Variants in NPSR1 observed in about 807,000 individuals in gnomAD.
NPSR1 encodes the protein neuropeptide S receptor.
A neutral mutation model predicts 46.9 loss-of-function variants in NPSR1; 48 were observed. That is an observed-to-expected ratio of 1.02 (90% CI 0.81 to 1.30). NPSR1 has a LOEUF of 1.30. NPSR1 is among the 50% of genes most tolerant of loss of function. The pLI is 0.00. For synonymous variants in NPSR1, 176 were observed against 168.1 expected (o/e 1.05, Z -0.36); for missense variants, 450 against 449.5 (o/e 1.00, Z -0.01).
At chr7:34,753,083 C>A (rs974489815) in intron 2 of NPSR1, among the ~76,000 whole-genome samples, 5 of 152,134 alleles carry the variant, frequency 3.3e-5, no homozygotes, top group African/African-American at 1.2e-4. Context: ...AGTCAGCAAT[C>A]AATAGTAATT....
At chr7:34,859,652 A>G (rs1202027163) in intron 8 of NPSR1, among the ~76,000 whole-genome samples, 1 of 151,776 alleles carries the variant, frequency 6.6e-6, no homozygotes, top group Non-Finnish European at 1.5e-5. Flanking sequence ...TAACTATCTG[A>G]CAGACTTTAA....
intron 1 of NPSR1, among the ~76,000 whole-genome samples, chr7:34,680,349 C>A (rs1222305512): frequency 1.3e-5 from 2 of 151,938 alleles, no homozygotes; most frequent in Non-Finnish European, 2.9e-5. Context: ...ACCAACATTA[C>A]CCAGTTAGAG....
In NPSR1 at chr7:34,848,645, C is replaced by G; in HGVS notation, c.1007C>G (p.Ser336Cys). The change falls in exon 8 of 9, where the codon TCC (serine) becomes TGC (cysteine). Residue 336 changes from serine to cysteine, a missense_variant. Transcript: ENST00000360581. Reference sequence around the variant, plus strand: ...CTCATCTACTGTGTCTTCAGCAGCTCCATCTCTTTCCCCTGCAGGTAAGGG... The same window carrying G: ...CTCATCTACTGTGTCTTCAGCAGCTGCATCTCTTTCCCCTGCAGGTAAGGG... ...NPLIYCVFSS[S>C]ISFPCREQRS... 1.2e-6 allele frequency: 2 copies of G among 1,614,034 alleles called. No homozygotes were observed. The highest frequency in any genetic ancestry group is 1.7e-6 in the Non-Finnish European group (2 of 1,180,008).
chr7:34,821,944 G>A (rs1789577647), intron 4 of NPSR1, among the ~76,000 whole-genome samples: 1 of 152,146 alleles, frequency 6.6e-6, no homozygotes. Context: ...GAAAGTCACT[G>A]AAGAAATCTA....
At chr7:34,862,127 T>C (rs1791203329) in intron 8 of NPSR1, among the ~76,000 whole-genome samples, 2 of 151,902 alleles carry the variant, frequency 1.3e-5, no homozygotes, top group South Asian at 4.1e-4. Context: ...GGTGAGTACT[T>C]TGCAAACCAA....
intron 4 of NPSR1, among the ~76,000 whole-genome samples, chr7:34,819,310 A>G (rs1224579452): frequency 2.0e-5 from 3 of 152,272 alleles, no homozygotes; most frequent in African/African-American, 4.8e-5. Flanking sequence ...CAGACACATG[A>G]AAAAATGCTC....
chr7:34,840,124 C>T (rs770088742), intron 6 of NPSR1, among the ~76,000 whole-genome samples: 7 of 152,086 alleles, frequency 4.6e-5, no homozygotes, highest in Non-Finnish European at 1.0e-4. Flanking sequence ...TTACAGTTGG[C>T]TCTGGGCTAA....
chr7:34,694,856 C>T (rs10226149), intron 2 of NPSR1, among the ~76,000 whole-genome samples: 18,651 of 152,096 alleles, frequency 0.12, 1,548 homozygotes, highest in East Asian at 0.33. Flanking sequence ...ACTACAGGTG[C>T]GCATCACCAT....
chr7:34,765,392 C>T (rs370115708), intron 2 of NPSR1, among the ~76,000 whole-genome samples: 8 of 152,090 alleles, frequency 5.3e-5, no homozygotes, highest in Non-Finnish European at 8.8e-5. Flanking sequence ...AAGAAAAATA[C>T]ATTAAAAATA....
intron 3 of NPSR1, among the ~76,000 whole-genome samples, chr7:34,791,029 G>A (rs1787799990): frequency 8.7e-6 from 1 of 114,550 alleles, no homozygotes; most frequent in South Asian, 2.4e-4. Context: ...TATGTTATAT[G>A]TTATATATTA....
intron 2 of NPSR1, among the ~76,000 whole-genome samples, chr7:34,730,551 T>G (rs1197320190): frequency 1.3e-5 from 2 of 152,244 alleles, no homozygotes; most frequent in African/African-American, 4.8e-5. Context: ...TATCTGGTTA[T>G]GTTTAAAACA....
intron 2 of NPSR1, among the ~76,000 whole-genome samples, chr7:34,708,546 T>C (rs547164680): frequency 2.0e-5 from 3 of 152,120 alleles, no homozygotes; most frequent in African/African-American, 4.8e-5. Context: ...GCAAATGCTA[T>C]GAGGGAAAAC....
chr7:34,737,157 G>A (rs1223942272), intron 2 of NPSR1, among the ~76,000 whole-genome samples: 1 of 152,004 alleles, frequency 6.6e-6, no homozygotes, highest in African/African-American at 2.4e-5. Context: ...CATATCCCCT[G>A]CCTCTCACCT....
chr7:34,732,022 A>C (rs1784442317), intron 2 of NPSR1, among the ~76,000 whole-genome samples: 2 of 151,398 alleles, frequency 1.3e-5, no homozygotes, highest in African/African-American at 4.9e-5. Flanking sequence ...CTCTACCAAA[A>C]AAAATTAGCC....
chr7:34,828,927 T>C (rs1436202574), intron 5 of NPSR1, among the ~76,000 whole-genome samples: 1 of 152,228 alleles, frequency 6.6e-6, no homozygotes, highest in African/African-American at 2.4e-5. Context: ...TCTGCTCCCC[T>C]GACCCAATGG....
chr7:34,667,346 AG>A (rs1328095549), intron 1 of NPSR1, among the ~76,000 whole-genome samples: 3 of 152,182 alleles, frequency 2.0e-5, no homozygotes, highest in African/African-American at 7.2e-5. Context: ...GAGAGACAGG[AG>A]AAAGGGGGGT....
At chr7:34,764,879 A>C (rs569740992) in intron 2 of NPSR1, among the ~76,000 whole-genome samples, 1 of 152,174 alleles carries the variant, frequency 6.6e-6, no homozygotes. Flanking sequence ...GCCCAGGCAC[A>C]CTGGCCTATA....
Position 34,802,870 on chromosome 7 carries a change from G to T in NPSR1, c.385-8900G>T, listed in dbSNP as rs1367001285. On this transcript the variant is annotated intron_variant, in intron 3 of 8. Transcript: ENST00000360581. Reference sequence around the variant, plus strand: ...ACAATGAACTCAAACAAATTTACAAGAAAAAAACAAACAACCCCATCAAAA... The same window carrying T: ...ACAATGAACTCAAACAAATTTACAATAAAAAAACAAACAACCCCATCAAAA... Among the ~76,000 whole-genome samples the T allele has an allele frequency of 2.7e-5, 4 of 149,958 alleles. No individual in the cohort carries two copies. In the East Asian group the frequency reaches 7.7e-4, roughly 29 times the overall value.
chr7:34,857,096 G>T (rs576281883), intron 8 of NPSR1, among the ~76,000 whole-genome samples: 1 of 151,704 alleles, frequency 6.6e-6, no homozygotes, highest in African/African-American at 2.4e-5. Flanking sequence ...AATCTCTATG[G>T]AGAAATTATA....
Sources: gnomAD v4.1 joint callset for allele counts (sites outside exome capture counted in the v4.1 genomes callset) on GRCh38, gnomAD v4.1.1 for gene constraint, MANE v1.5 for transcripts, NCBI Gene and HGNC (gene_info 2026-07-23, HGNC 2026-07-21) for gene names.